The following PIK3CA variants were observed in gnomAD, a reference collection of about 807,000 sequenced individuals.
PIK3CA encodes the protein phosphatidylinositol-4,5-bisphosphate 3-kinase catalytic subunit alpha.
A neutral mutation model predicts 138.2 loss-of-function variants in PIK3CA; 27 were observed. The observed-to-expected ratio is 0.20, with a 90% CI of 0.14 to 0.27. The LOEUF (loss-of-function observed/expected upper bound fraction) is 0.27. Among genes scored for constraint, PIK3CA ranks in the 10% least tolerant of loss-of-function variants. The pLI, the probability that PIK3CA is intolerant of heterozygous loss-of-function variation, is 1.00. For synonymous variants in PIK3CA, 358 were observed against 413.2 expected (o/e 0.87, Z 1.62); for missense variants, 544 against 1,277.4 (o/e 0.43, Z 8.75).
chr3:179,165,804 T>G (rs574789889), intron 1 of PIK3CA, among the ~76,000 whole-genome samples: 1 of 152,310 alleles, frequency 6.6e-6, no homozygotes, highest in South Asian at 2.1e-4. Context: ...GTTCTTGTGC[T>G]CATGCTGTTC....
intron 4 of PIK3CA, among the ~76,000 whole-genome samples, chr3:179,203,134 G>A (rs558104646): frequency 2.0e-5 from 3 of 151,716 alleles, no homozygotes; most frequent in Non-Finnish European, 4.4e-5. Context: ...TAGAGACGGG[G>A]TTTCACCGTT....
intron 1 of PIK3CA, among the ~76,000 whole-genome samples, chr3:179,190,310 C>A (rs576718214): frequency 1.4e-5 from 2 of 147,406 alleles, no homozygotes; most frequent in East Asian, 3.9e-4. Context: ...ATAGTGCACC[C>A]CCCCCACCAC....
intron 1 of PIK3CA, among the ~76,000 whole-genome samples, chr3:179,185,932 T>C (rs1723970455): frequency 6.6e-6 from 1 of 152,208 alleles, no homozygotes; most frequent in African/African-American, 2.4e-5. Context: ...TTAAGTAGCA[T>C]GATTGATTAA....
chr3:179,234,071 C>T lies in PIK3CA; in HGVS notation c.2937-23C>T. On this transcript the variant is annotated intron_variant, in intron 20 of 20. Coordinates refer to ENST00000263967, the MANE Select transcript of PIK3CA (RefSeq NM_006218.4). This position sits in a 1 kb window ranked among gnomAD's most constrained non-coding sequence, Gnocchi z 5.1. ...TTAACATCATTTGCTCCAAACTGAC[C>T]AAACTGTTCTTATTACTTATAGGTT... The T allele has an allele frequency of 6.4e-7, 1 of 1,568,442 alleles. No individual in the cohort carries two copies. The highest frequency in any genetic ancestry group is 8.7e-7 in the Non-Finnish European group (1 of 1,150,020).
rs1725297991 is a variant in PIK3CA at position 179,234,812 on chromosome 3, A to C, written c.*448A>C. On this transcript the variant is annotated 3_prime_UTR_variant, in exon 21 of 21. Transcript: ENST00000263967. This position sits in a 1 kb window ranked among gnomAD's most constrained non-coding sequence, Gnocchi z 5.1. Reference sequence around the variant, plus strand: ...GTGTAAGTAAACTGGAGTTTATGTTAAATTACATTGATTGGAAAAGAATGA... The same window carrying C: ...GTGTAAGTAAACTGGAGTTTATGTTCAATTACATTGATTGGAAAAGAATGA... The C allele has an allele frequency of 4.3e-6, 1 of 232,684 alleles. No individual in the cohort carries two copies. Among genetic ancestry groups the C allele is most frequent in the East Asian group, 6.1e-5 (1 of 16,376 alleles). The allele number at this position is 232,684 out of a possible 1,614,324, so 14.4% of individuals were successfully genotyped here.
chr3:179,162,654 T>C (rs1260523067), intron 1 of PIK3CA, among the ~76,000 whole-genome samples: 4 of 152,162 alleles, frequency 2.6e-5, no homozygotes, highest in Non-Finnish European at 5.9e-5. Context: ...ATAGCAGTAA[T>C]TGTTTAGAAA....
rs751353057 is a variant in PIK3CA at position 179,206,086 on chromosome 3, C to CTT, written c.1145+1520_1145+1521dup. 8.1e-3 allele frequency among the ~76,000 whole-genome samples: 850 copies of CTT among 104,902 alleles called. 3 individuals carry two copies. Among genetic ancestry groups the CTT allele is most frequent in the Non-Finnish European group, 9.8e-3 (522 of 53,164 alleles). The allele number at this position is 104,902 out of a possible 152,430, so 68.8% of individuals were successfully genotyped here. ...TTGTGACAACAAACAACTTCAGGAT[C>CTT]TTTTTTTTTTTTTTTTTTTTTTTGA... On this transcript the variant is annotated intron_variant, in intron 6 of 20. Transcript: ENST00000263967.
chr3:179,221,992 G>A (rs1240681600), intron 14 of PIK3CA, among the ~76,000 whole-genome samples: 1 of 152,026 alleles, frequency 6.6e-6, no homozygotes, highest in East Asian at 1.9e-4. Context: ...ACAGGCATGA[G>A]CCACTGTGCC....
intron 1 of PIK3CA, among the ~76,000 whole-genome samples, chr3:179,151,778 ATTC>A (rs1009021583): frequency 1.3e-5 from 2 of 152,124 alleles, no homozygotes; most frequent in Non-Finnish European, 1.5e-5. Context: ...TGAACACTCC[ATTC>A]TTCTTTAACT....
chr3:179,197,072 T>G (rs968381751), intron 1 of PIK3CA, among the ~76,000 whole-genome samples: 1 of 152,084 alleles, frequency 6.6e-6, no homozygotes, highest in African/African-American at 2.4e-5. Context: ...GGAGTCTCGC[T>G]CTGTCGCCCA....
intron 1 of PIK3CA, among the ~76,000 whole-genome samples, chr3:179,185,011 G>A (rs1723940496): frequency 6.6e-6 from 1 of 152,178 alleles, no homozygotes; most frequent in Admixed American, 6.5e-5. Context: ...AAGGAAATAA[G>A]CTAGCCGTTG....
chr3:179,238,105 A>G lies in PIK3CA; in HGVS notation c.*3741A>G, dbSNP rs190244108. ...GGGAGGAGTTGTTTGAATGAATTAC[A>G]TTCTTTATATCCATCCTGCTCATTT... On this transcript the variant is annotated 3_prime_UTR_variant, in exon 21 of 21. Coordinates refer to ENST00000263967, the MANE Select transcript of PIK3CA (RefSeq NM_006218.4). 1 of 225,748 alleles carries G rather than the reference A, an allele frequency of 4.4e-6. No homozygotes were observed. Among genetic ancestry groups the G allele is most frequent in the Non-Finnish European group, 8.8e-6 (1 of 113,306 alleles). The allele number at this position is 225,748 out of a possible 1,614,324, so 14.0% of individuals were successfully genotyped here. A position where few individuals can be genotyped will look rare whatever the true frequency, so the allele number is the denominator to read the frequency against.
At position 179,210,239 on chromosome 3, in the gene PIK3CA, T is replaced by C. The variant is rs1060503812; in HGVS notation, c.1305T>C (p.Thr435=). The change falls in exon 8 of 21, where the codon ACT becomes ACC. Residue 435 remains threonine (T), a synonymous_variant. Transcript: ENST00000263967. ...GNINLFDYTD[T]LVSGKMALNL... ...TAAACTTGTTTGATTACACAGACAC[T>C]CTAGTATCTGGAAAAATGGCTTTGA... 3 of 1,596,088 alleles carry C rather than the reference T, an allele frequency of 1.9e-6. No individual in the cohort carries two copies. The highest frequency in any genetic ancestry group is 2.6e-6 in the Non-Finnish European group (3 of 1,175,524).
Position 179,176,599 on chromosome 3 carries a change from C to T in PIK3CA, c.-76-22151C>T, listed in dbSNP as rs542784179. ...AAACTATTTTGCAGCTGTTCCTTCA[C>T]GACTTTGCTACATCTTGGAGATCTT... On this transcript the variant is annotated intron_variant, in intron 1 of 20. Coordinates refer to ENST00000263967, the MANE Select transcript of PIK3CA (RefSeq NM_006218.4). Among the ~76,000 whole-genome samples the T allele has an allele frequency of 2.6e-5, 4 of 152,252 alleles. No homozygotes were observed. In the South Asian group the frequency reaches 6.2e-4, roughly 24 times the overall value.
chr3:179,195,418 C>T (rs991269012), intron 1 of PIK3CA, among the ~76,000 whole-genome samples: 3 of 152,110 alleles, frequency 2.0e-5, no homozygotes, highest in Non-Finnish European at 4.4e-5. Context: ...GATCTCTGTG[C>T]TTACATATTT....
At chr3:179,202,881 G>T (rs1413403716) in intron 4 of PIK3CA, among the ~76,000 whole-genome samples, 2 of 151,186 alleles carry the variant, frequency 1.3e-5, no homozygotes, top group Non-Finnish European at 2.9e-5. Flanking sequence ...CGTCCTAAGT[G>T]ATATTACTTT....
At chr3:179,178,705 C>T (rs1723766042) in intron 1 of PIK3CA, among the ~76,000 whole-genome samples, 1 of 152,160 alleles carries the variant, frequency 6.6e-6, no homozygotes, top group South Asian at 2.1e-4. Context: ...GGCTCTATCA[C>T]TTACTACAAT....
At chr3:179,186,233 C>G (rs557978761) in intron 1 of PIK3CA, among the ~76,000 whole-genome samples, 22 of 152,298 alleles carry the variant, frequency 1.4e-4, no homozygotes, top group Non-Finnish European at 2.8e-4. Flanking sequence ...CATAGATGTT[C>G]TTAATTTAAT....
chr3:179,213,990 GTC>G (rs1724780448), intron 9 of PIK3CA, among the ~76,000 whole-genome samples: 1 of 152,070 alleles, frequency 6.6e-6, no homozygotes, highest in South Asian at 2.1e-4. Context: ...AAGCATCTTC[GTC>G]TCTCTCAATA....
Sources: gnomAD v4.1 joint callset for allele counts (sites outside exome capture counted in the v4.1 genomes callset) on GRCh38, gnomAD v4.1.1 for gene constraint, Gnocchi (gnomAD v3.1) non-coding constraint, MANE v1.5 for transcripts, NCBI Gene and HGNC (gene_info 2026-07-23, HGNC 2026-07-21) for gene names.